The following ACACB variants were observed in gnomAD, a reference collection of about 807,000 sequenced individuals.
ACACB encodes the protein acetyl-CoA carboxylase beta.
A neutral mutation model predicts 278.8 loss-of-function variants in ACACB; 209 were observed. That is an observed-to-expected ratio of 0.75 (90% CI 0.67 to 0.84). The LOEUF (loss-of-function observed/expected upper bound fraction) is 0.84, where lower values mean the gene tolerates loss of function less well. Ranked by LOEUF, ACACB falls within the 40% of genes least tolerant of loss-of-function variation. The pLI is 0.00. For missense variants in ACACB, 2,850 were observed against 3,269.0 expected (o/e 0.87, Z 3.13); for synonymous variants, 1,174 against 1,285.6 (o/e 0.91, Z 1.86).
intron 4 of ACACB, among the ~76,000 whole-genome samples, chr12:109,171,497 C>G (rs1196617881): frequency 6.6e-6 from 1 of 152,052 alleles, no homozygotes; most frequent in Admixed American, 6.5e-5. Flanking sequence ...TTACAGGTGC[C>G]CACCACCACG....
chr12:109,164,584 A>G (rs1017362964), intron 2 of ACACB, among the ~76,000 whole-genome samples: 1 of 151,952 alleles, frequency 6.6e-6, no homozygotes, highest in Non-Finnish European at 1.5e-5. Flanking sequence ...TGAGGGCAGG[A>G]GAAAGGCTGA....
At chr12:109,205,972 T>C (rs2045494665) in intron 19 of ACACB, among the ~76,000 whole-genome samples, 2 of 152,292 alleles carry the variant, frequency 1.3e-5, no homozygotes, top group Middle Eastern at 3.4e-3. Flanking sequence ...TATTTTTCCA[T>C]GTGTTTACCT....
At chr12:109,231,486 G>C (rs2046469100) in intron 28 of ACACB, among the ~76,000 whole-genome samples, 1 of 152,140 alleles carries the variant, frequency 6.6e-6, no homozygotes, top group African/African-American at 2.4e-5. Flanking sequence ...GCAAGTTTGT[G>C]ACCCCTGGAT....
intron 48 of ACACB, among the ~76,000 whole-genome samples, chr12:109,262,009 A>G (rs2047391632): frequency 6.6e-6 from 1 of 152,022 alleles, no homozygotes; most frequent in Non-Finnish European, 1.5e-5. Flanking sequence ...CCCCTCCTCT[A>G]GGAGGGCAGA....
At chr12:109,117,294 G>T (rs2042427734) in intron 1 of ACACB, among the ~76,000 whole-genome samples, 2 of 149,952 alleles carry the variant, frequency 1.3e-5, no homozygotes, top group South Asian at 4.2e-4. Context: ...CAGGAGGTGG[G>T]GGTTGCAGTG....
At position 109,199,442 on chromosome 12, in the gene ACACB, A is replaced by G; in HGVS notation, c.2668A>G (p.Lys890Glu). 1.3e-6 allele frequency: 2 copies of G among 1,546,354 alleles called. No homozygotes were observed. Among genetic ancestry groups the G allele is most frequent in the East Asian group, 5.0e-5 (2 of 39,838 alleles). ...CGGCAATAAGACGTGTGTGTTTGAG[A>G]AGGAGAACGATCCTACAGTCCTGAG... is the stretch of plus-strand genomic sequence containing the variant. Reference protein sequence around the residue: ...TIGNKTCVFEKENDPTVLRSP... With the variant: ...TIGNKTCVFEEENDPTVLRSP... The change falls in exon 18 of 53, where the codon AAG becomes GAG. Residue 890 changes from lysine (K) to glutamate (E), a missense_variant. Transcript: ENST00000338432.
At position 109,237,242 on chromosome 12, in the gene ACACB, C is replaced by A. The variant is rs150669553; in HGVS notation, c.4524C>A (p.Phe1508Leu). The change falls in exon 34 of 53, where the codon TTC (phenylalanine) becomes TTA (leucine). Residue 1508 changes from phenylalanine to leucine, a missense_variant. Around this residue, in one of 3 missense-constraint regions of ACACB, gnomAD observed 2,265 missense variants for 2,561.3 expected, o/e 0.88. Transcript: ENST00000338432. ...FQLELNRMRN[F>L]DLTAVPCANH... ...TGGAACTTAACCGGATGCGTAACTT[C>A]GATCTGACCGCCGTGCCCTGTGCCA... 6.2e-7 allele frequency: 1 copy of A among 1,614,184 alleles called. No individual in the cohort carries two copies. The highest frequency in any genetic ancestry group is 2.2e-5 in the East Asian group (1 of 44,884).
At chr12:109,188,341 C>T (rs1437533336) in intron 13 of ACACB, among the ~76,000 whole-genome samples, 179 bp downstream of exon 13, 1 of 149,064 alleles carries the variant, frequency 6.7e-6, no homozygotes, top group Non-Finnish European at 1.5e-5. Context: ...CCATTGCCTT[C>T]CTGCCTTCCT....
At position 109,266,372 on chromosome 12, in the gene ACACB, G is replaced by A. The variant is rs2075262; in HGVS notation, c.*10G>A. 805,388 of 1,588,878 alleles carry A rather than the reference G, an allele frequency of 0.51. 205,579 individuals are homozygous for A. The highest frequency in any genetic ancestry group is 0.52 in the Non-Finnish European group (613,045 of 1,170,472). On this transcript the variant is annotated 3_prime_UTR_variant, in exon 53 of 53. Transcript: ENST00000338432. ...CCCGGCCTCCACCTGACCGTGGCCCGCCCAGCCACTCCCGGGACCACGGCA... is the reference window on the plus strand; with the variant it reads ...CCCGGCCTCCACCTGACCGTGGCCCACCCAGCCACTCCCGGGACCACGGCA...
intron 40 of ACACB, among the ~76,000 whole-genome samples, chr12:109,248,750 G>T (rs1302280774): frequency 3.3e-5 from 5 of 152,156 alleles, no homozygotes; most frequent in South Asian, 2.1e-4. Flanking sequence ...ATCTCCTCTA[G>T]CAACACCCTC....
intron 2 of ACACB, among the ~76,000 whole-genome samples, chr12:109,149,609 C>G (rs543023986): frequency 2.0e-5 from 3 of 152,158 alleles, no homozygotes; most frequent in Non-Finnish European, 4.4e-5. Flanking sequence ...TAATTTAGAA[C>G]CATTTTCTCC....
chr12:109,215,413 G>A (rs2045965609), intron 22 of ACACB, among the ~76,000 whole-genome samples: 1 of 152,058 alleles, frequency 6.6e-6, no homozygotes, highest in Non-Finnish European at 1.5e-5. Flanking sequence ...GCCTGCAGAT[G>A]AATCAACTCC....
At chr12:109,128,596 C>T (rs942008691) in intron 1 of ACACB, among the ~76,000 whole-genome samples, 1 of 152,162 alleles carries the variant, frequency 6.6e-6, no homozygotes, top group African/African-American at 2.4e-5. Context: ...CCCTCAGCCT[C>T]CCAAAGTGCT....
Position 109,188,171 on chromosome 12 carries a change from C to CTCCTTCCTTCCTTCCT in ACACB, c.2144+57_2144+72dup, listed in dbSNP as rs373209583. On this transcript the variant is annotated intron_variant, in intron 13 of 52. Transcript: ENST00000338432. ...CGGGAAGAGGCCATTTCGTCAGTAT[C>CTCCTTCCTTCCTTCCT]TCCTTCCTTCCTTCCTTCCTTCCTT... is the stretch of plus-strand genomic sequence containing the variant. The CTCCTTCCTTCCTTCCT allele has an allele frequency of 8.4e-5, 114 of 1,357,114 alleles. 1 individual carries two copies. In the East Asian group the frequency reaches 1.3e-3, roughly 15 times the overall value. 84.1% of individuals were successfully genotyped at this position (1,357,114 alleles called of 1,614,324 possible).
intron 17 of ACACB, 63 bp from the exon 18 acceptor site, chr12:109,199,339 A>C: frequency 7.6e-7 from 1 of 1,316,720 alleles, no homozygotes; most frequent in Non-Finnish European, 9.9e-7. Flanking sequence ...TGAAAGCCGG[A>C]CTAGGGCTTG....
At chr12:109,161,939 T>C (rs1489380982) in intron 2 of ACACB, among the ~76,000 whole-genome samples, 1 of 140,820 alleles carries the variant, frequency 7.1e-6, no homozygotes, top group Admixed American at 7.1e-5. Context: ...ATGATGTCCC[T>C]TGGGTTGCAT....
At chr12:109,181,176 G>A (rs1364574805) in intron 11 of ACACB, among the ~76,000 whole-genome samples, 1 of 150,066 alleles carries the variant, frequency 6.7e-6, no homozygotes, top group African/African-American at 2.4e-5. Flanking sequence ...TTTTATGTCT[G>A]AATAGTACTC....
chr12:109,120,845 T>C (rs1330052232), intron 1 of ACACB, among the ~76,000 whole-genome samples: 1 of 152,220 alleles, frequency 6.6e-6, no homozygotes, highest in Non-Finnish European at 1.5e-5. Flanking sequence ...TCTCTGTGCC[T>C]CATCTTATCA....
In ACACB at chr12:109,201,701, G is replaced by A. The variant is rs775303503; in HGVS notation, c.2913G>A (p.Pro971=). The A allele has an allele frequency of 2.5e-6, 4 of 1,613,566 alleles. No individual in the cohort carries two copies. The highest frequency in any genetic ancestry group is 1.3e-5 in the African/African-American group (1 of 75,024). Residue 971 remains proline (P), a splice_region_variant and synonymous_variant, in exon 19 of 53, where the codon CCG becomes CCA. Coordinates refer to ENST00000338432, the MANE Select transcript of ACACB (RefSeq NM_001093.4). The part of the protein sequence containing the change: ...LELDDPSKVH[P]AEPFTGELPA... Reference sequence around the variant, plus strand: ...TCGATGACCCTTCTAAAGTCCACCCGGTATGTGGCTCCACGGCCCAAGTGC... The same window carrying A: ...TCGATGACCCTTCTAAAGTCCACCCAGTATGTGGCTCCACGGCCCAAGTGC...
Sources: allele counts gnomAD v4.1 joint callset (sites outside exome capture counted in the v4.1 genomes callset), GRCh38; gene constraint gnomAD v4.1.1; regional missense constraint gnomAD v4.1.1; transcripts MANE v1.5; gene names NCBI Gene and HGNC (gene_info 2026-07-23, HGNC 2026-07-21).